ACIN1: variants seen among roughly 807,000 people sequenced by gnomAD.
The protein encoded by ACIN1 is apoptotic chromatin condensation inducer 1.
A neutral mutation model predicts 146.6 loss-of-function variants in ACIN1; 16 were observed. The observed-to-expected ratio is 0.11, with a 90% CI of 0.07 to 0.17. The LOEUF (loss-of-function observed/expected upper bound fraction) is 0.17, where lower values mean the gene tolerates loss of function less well. Among genes scored for constraint, ACIN1 ranks in the 10% least tolerant of loss-of-function variants. ACIN1 has a pLI of 1.00. For synonymous variants in ACIN1, 569 were observed against 582.7 expected (o/e 0.98, Z 0.34); for missense variants, 1,357 against 1,609.3 (o/e 0.84, Z 2.68).
chr14:23,079,421 G>T (rs2047884201), intron 6 of ACIN1, 126 bp downstream of exon 6: 9 of 1,451,500 alleles, frequency 6.2e-6, no homozygotes, highest in South Asian at 2.8e-5. Flanking sequence ...AAAGTAATCA[G>T]TGAAGGAGAG....
At chr14:23,094,911 C>T (rs998812934) in intron 1 of ACIN1, 64 bp downstream of exon 1, 2 of 1,506,898 alleles carry the variant, frequency 1.3e-6, no homozygotes, top group South Asian at 1.3e-5. Context: ...GCCTGCGCCG[C>T]GGCAGAGGCT....
Position 23,062,976 on chromosome 14 carries a change from A to G in ACIN1, c.2836T>C (p.Ser946Pro). Residue 946 changes from serine to proline, a missense_variant, in exon 14 of 19, where the codon TCC becomes CCC. Ser to Pro is a moderately conservative substitution (Grantham distance 74). Around this residue, in one of 4 missense-constraint regions of ACIN1, gnomAD observed 509 missense variants for 719.6 expected, o/e 0.71. Transcript: ENST00000605057. ...TTGCTAATCTTGCCCCGGGGTGGGGAGGGCACCTGGGCAGTTCGGACTGGG... is the reference window on the plus strand; with the variant it reads ...TTGCTAATCTTGCCCCGGGGTGGGGGGGGCACCTGGGCAGTTCGGACTGGG... ...DDPVRTAQVPSPPRGKISNIV... is the reference protein window; with the variant it reads ...DDPVRTAQVPPPPRGKISNIV... 1.2e-6 allele frequency: 2 copies of G among 1,612,866 alleles called. No individual in the cohort carries two copies. The highest frequency in any genetic ancestry group is 1.7e-6 in the Non-Finnish European group (2 of 1,179,708).
intron 8 of ACIN1, among the ~76,000 whole-genome samples, chr14:23,072,403 G>A (rs1213130623): frequency 6.6e-6 from 1 of 152,208 alleles, no homozygotes; most frequent in African/African-American, 2.4e-5. Flanking sequence ...GCTCCAAGGT[G>A]AGGCTCTAAA....
Position 23,066,005 on chromosome 14 carries a change from A to G in ACIN1, c.2269T>C (p.Ser757Pro). 1 of 1,613,770 alleles carries G rather than the reference A, an allele frequency of 6.2e-7. No homozygotes were observed. Among genetic ancestry groups the G allele is most frequent in the Non-Finnish European group, 8.5e-7 (1 of 1,179,764 alleles). The change falls in exon 10 of 19, where the codon TCG (serine) becomes CCG (proline). Residue 757 changes from serine to proline, a missense_variant. Transcript: ENST00000605057. ...SVEDEEKKES[S>P]LPKSFKRKIS... ...TTCCTCTTGAATGATTTGGGCAGCG[A>G]GCTCTGTATGAAGAAGAAAAAGGGG...
chr14:23,062,723 G>A (rs1452836238), intron 14 of ACIN1, 200 bp from the exon 15 acceptor site: 31 of 761,572 alleles, frequency 4.1e-5, no homozygotes, highest in Non-Finnish European at 5.4e-5. Context: ...GAGGCCTTCT[G>A]CAAGTCCTCA....
chr14:23,061,971 CAAAA>C (rs57962360), intron 16 of ACIN1, among the ~76,000 whole-genome samples, 193 bp downstream of exon 16: 1 of 59,144 alleles, frequency 1.7e-5, no homozygotes, highest in Non-Finnish European at 3.2e-5. Flanking sequence ...GACTCTGTCT[CAAAA>C]AAAAAAAAAA....
At chr14:23,081,648 C>G in intron 5 of ACIN1, 100 bp downstream of exon 5, 2 of 1,050,822 alleles carry the variant, frequency 1.9e-6, no homozygotes, top group Non-Finnish European at 2.8e-6. Context: ...AAAACAAAAC[C>G]CCTAAATGTA....
At chr14:23,066,054 C>G in intron 9 of ACIN1, 46 bp from the exon 10 acceptor site, 1 of 1,558,642 alleles carries the variant, frequency 6.4e-7, no homozygotes, top group Non-Finnish European at 8.8e-7. Flanking sequence ...AGAGAGACAC[C>G]CCACAGAGAG....
intron 4 of ACIN1, among the ~76,000 whole-genome samples, chr14:23,085,627 C>T (rs568369372): frequency 7.9e-5 from 12 of 152,156 alleles, no homozygotes; most frequent in African/African-American, 2.9e-4. Flanking sequence ...AAACTGGAGG[C>T]GCCTCAGACA....
chr14:23,075,152 C>T (rs1048240214), intron 8 of ACIN1, among the ~76,000 whole-genome samples: 9 of 152,220 alleles, frequency 5.9e-5, no homozygotes, highest in African/African-American at 1.9e-4. Flanking sequence ...ATACCTTCCT[C>T]CTACACAGGC....
rs1287730840 is a variant in ACIN1 at position 23,068,555 on chromosome 14, C to A, written c.2265+921G>T. On this transcript the variant is annotated intron_variant, in intron 9 of 18. Transcript: ENST00000605057. The surrounding 1 kb of genome is among the most constrained non-coding windows in gnomAD (Gnocchi z 4.3). ...CTGGCCAAGACACCTGGATAGCAGA[C>A]TTGGCTCTGATTGGGCAGCTCAGTA... 1 of 985,788 alleles carries A rather than the reference C, an allele frequency of 1.0e-6. No homozygotes were observed. The highest frequency in any genetic ancestry group is 6.1e-5 in the Admixed American group (1 of 16,266). The allele number at this position is 985,788 out of a possible 1,614,324, so 61.1% of individuals were successfully genotyped here.
chr14:23,072,011 T>C (rs1187811389), intron 8 of ACIN1, among the ~76,000 whole-genome samples: 1 of 152,184 alleles, frequency 6.6e-6, no homozygotes, highest in Non-Finnish European at 1.5e-5. Context: ...CCATCCTCTA[T>C]CCAGTAATCT....
intron 18 of ACIN1, among the ~76,000 whole-genome samples, chr14:23,060,605 C>T (rs981972305): frequency 3.3e-5 from 5 of 151,900 alleles, no homozygotes; most frequent in Admixed American, 1.3e-4. Context: ...CTCCGCCTCC[C>T]GGGTTCAAGC....
In ACIN1 at chr14:23,059,057, C is replaced by G; in HGVS notation, c.*91G>C. 7.9e-7 allele frequency: 1 copy of G among 1,265,284 alleles called. No homozygotes were observed. Among genetic ancestry groups the G allele is most frequent in the South Asian group, 1.3e-5 (1 of 76,092 alleles). The allele number at this position is 1,265,284 out of a possible 1,614,324, so 78.4% of individuals were successfully genotyped here. ...GATAGGTGATGTGAAAGACCCTTGG[C>G]TCCAGGGTGGTGGAGACTGTGCCTA... is the stretch of plus-strand genomic sequence containing the variant. On this transcript the variant is annotated 3_prime_UTR_variant, in exon 19 of 19. Coordinates refer to ENST00000605057, the MANE Select transcript of ACIN1 (RefSeq NM_001386863.1).
intron 14 of ACIN1, 200 bp downstream of exon 14, chr14:23,062,729 C>T: frequency 1.3e-6 from 1 of 785,834 alleles, no homozygotes; most frequent in Non-Finnish European, 2.0e-6. Flanking sequence ...TTCTGCAAGT[C>T]CTCAAAACAA....
At chr14:23,069,669 G>A (rs1161277900) in intron 8 of ACIN1, 52 bp from the exon 9 acceptor site, 1 of 1,549,166 alleles carries the variant, frequency 6.5e-7, no homozygotes, top group East Asian at 2.3e-5. Context: ...AGAACCAAGG[G>A]GAAGAGAGAG....
chr14:23,094,791 G>A, intron 1 of ACIN1, 184 bp downstream of exon 1: 2 of 946,278 alleles, frequency 2.1e-6, no homozygotes, highest in Non-Finnish European at 3.1e-6. Flanking sequence ...CGTTAAGGCG[G>A]GAACCGGCGC....
chr14:23,061,653 G>A, intron 16 of ACIN1, 31 bp from the exon 17 acceptor site: 3 of 1,489,996 alleles, frequency 2.0e-6, no homozygotes, highest in South Asian at 2.7e-5. Context: ...AGGACAGTTA[G>A]GATAGAGGTG....
upstream of ACIN1, chr14:23,095,212 A>G (rs780291242): frequency 4.3e-6 from 7 of 1,613,772 alleles, no homozygotes; most frequent in East Asian, 2.2e-5. Flanking sequence ...GCCCACTGCC[A>G]TACTCTACCC....
Sources: gnomAD v4.1 joint callset for allele counts (sites outside exome capture counted in the v4.1 genomes callset) on GRCh38, gnomAD v4.1.1 for gene constraint, gnomAD v4.1.1 regional missense constraint, Gnocchi (gnomAD v3.1) non-coding constraint, MANE v1.5 for transcripts, NCBI Gene and HGNC (gene_info 2026-07-23, HGNC 2026-07-21) for gene names.